Variants in PTPRE observed in about 807,000 individuals in gnomAD.
PTPRE encodes the protein receptor-type tyrosine-protein phosphatase epsilon.
PTPRE carries 51 observed loss-of-function variants against 102.0 expected under a neutral mutation model. The ratio of observed to expected loss-of-function variants is 0.50; its 90% confidence interval spans 0.40 to 0.63. The LOEUF is 0.63. Ranked by LOEUF, PTPRE falls within the 30% of genes least tolerant of loss-of-function variation. PTPRE has a pLI of 0.00. For missense variants in PTPRE, 752 were observed against 915.1 expected (o/e 0.82, Z 2.30); for synonymous variants, 345 against 348.2 (o/e 0.99, Z 0.10).
rs1361851274 is a variant in PTPRE at position 127,995,730 on chromosome 10, C to T, written c.-8+13434C>T. Among the ~76,000 whole-genome samples, 7 of 152,188 alleles carry T rather than the reference C, an allele frequency of 4.6e-5. No homozygotes were observed. The East Asian group carries it at 1.4e-3, about 29-fold the overall frequency. On this transcript the variant is annotated intron_variant, in intron 2 of 20. Transcript: ENST00000254667. Reference sequence around the variant, plus strand: ...ATTGCTTGCAGTTATGATGAATTTGCTGAGTGTCAGAGGAAAATTGTCAGG... The same window carrying T: ...ATTGCTTGCAGTTATGATGAATTTGTTGAGTGTCAGAGGAAAATTGTCAGG...
chr10:128,082,536 T>A (rs887769626), intron 20 of PTPRE, among the ~76,000 whole-genome samples: 2 of 151,780 alleles, frequency 1.3e-5, no homozygotes, highest in Admixed American at 6.6e-5. Flanking sequence ...TTTTTTTTTT[T>A]AAATTCAAAA....
intron 3 of PTPRE, among the ~76,000 whole-genome samples, chr10:128,043,685 G>A (rs7894124): frequency 0.77 from 117,331 of 151,540 alleles, 45,608 homozygotes; most frequent in East Asian, 0.98. Flanking sequence ...AGATATATAT[G>A]TGTGTGTGTG....
chr10:127,907,930 G>T lies in PTPRE; in HGVS notation c.-31+621G>T, dbSNP rs1360269176. 6.6e-6 allele frequency among the ~76,000 whole-genome samples: 1 copy of T among 152,168 alleles called. No homozygotes were observed. The highest frequency in any genetic ancestry group is 1.5e-5 in the Non-Finnish European group (1 of 68,022). ...CCAGGCTGGACTGCCGCGATTTGCA[G>T]GGTCGACGACCTCACAGGGCTCCTG... is the stretch of plus-strand genomic sequence containing the variant. On this transcript the variant is annotated intron_variant, in intron 1 of 20. Coordinates refer to ENST00000254667, the MANE Select transcript of PTPRE (RefSeq NM_006504.6). This position sits in a 1 kb window ranked among gnomAD's most constrained non-coding sequence, Gnocchi z 4.8.
intron 1 of PTPRE, among the ~76,000 whole-genome samples, chr10:127,980,780 AC>A (rs1851548486): frequency 6.6e-6 from 1 of 152,196 alleles, no homozygotes; most frequent in Admixed American, 6.5e-5. Context: ...ATTTATAACA[AC>A]TTTTAATTGT....
intron 2 of PTPRE, among the ~76,000 whole-genome samples, chr10:127,985,642 A>C (rs1356133482): frequency 3.9e-5 from 6 of 152,218 alleles, no homozygotes. Context: ...TACTCTTATT[A>C]TGATCATCAT....
intron 2 of PTPRE, among the ~76,000 whole-genome samples, chr10:128,027,982 G>A (rs929590060): frequency 2.0e-5 from 3 of 152,168 alleles, no homozygotes; most frequent in African/African-American, 4.8e-5. Context: ...ACACCAGCAC[G>A]CCGAGGGTCT....
At chr10:128,020,031 TGTGTGTGTGTGTGTGCACGCGCGCAC>T (rs1170989035) in intron 2 of PTPRE, among the ~76,000 whole-genome samples, 17 of 124,092 alleles carry the variant, frequency 1.4e-4, no homozygotes, top group Non-Finnish European at 1.8e-4. Flanking sequence ...GCTGTGTGTG[TGTGTGTGTGTGTGTGCACGCGCGCAC>T]GTGTGTGTGT....
intron 20 of PTPRE, among the ~76,000 whole-genome samples, chr10:128,079,923 C>T (rs967532759): frequency 1.3e-5 from 2 of 152,126 alleles, no homozygotes; most frequent in Admixed American, 6.5e-5. Flanking sequence ...GGGGCCTGTC[C>T]GCCAGTTTCA....
chr10:127,957,498 G>C (rs1271187514), intron 1 of PTPRE, among the ~76,000 whole-genome samples: 1 of 152,070 alleles, frequency 6.6e-6, no homozygotes, highest in African/African-American at 2.4e-5. Context: ...TTCTTAATCT[G>C]TATACCTTTT....
At chr10:127,915,536 C>T (rs187125678) in intron 1 of PTPRE, among the ~76,000 whole-genome samples, 5 of 152,326 alleles carry the variant, frequency 3.3e-5, no homozygotes, top group African/African-American at 9.6e-5. Context: ...AAAGTTCAGT[C>T]ATCTACTGGA....
intron 1 of PTPRE, among the ~76,000 whole-genome samples, chr10:127,926,135 AG>A (rs1182373540): frequency 6.6e-6 from 1 of 152,212 alleles, no homozygotes; most frequent in Non-Finnish European, 1.5e-5. Flanking sequence ...TTCTCAAGGC[AG>A]AGTAGCCAGT....
Position 128,076,693 on chromosome 10 carries a change from A to G in PTPRE, c.1690A>G (p.Ile564Val). 2.5e-6 allele frequency: 4 copies of G among 1,611,454 alleles called. No homozygotes were observed. Among genetic ancestry groups the G allele is most frequent in the Non-Finnish European group, 3.4e-6 (4 of 1,179,420 alleles). Residue 564 changes from isoleucine to valine, a missense_variant, in exon 18 of 21, where the codon ATC becomes GTC. Physicochemically the swap from Ile to Val is conservative, Grantham distance 29 (BLOSUM62 3). Coordinates refer to ENST00000254667, the MANE Select transcript of PTPRE (RefSeq NM_006504.6). Reference sequence around the variant, plus strand: ...AAAGAATGATACCCTTTCAGAAGCCATCAGTATACGAGACTTTCTGGTCAC... The same window carrying G: ...AAAGAATGATACCCTTTCAGAAGCCGTCAGTATACGAGACTTTCTGGTCAC... The part of the protein sequence containing the change: ...EIKNDTLSEA[I>V]SIRDFLVTLN...
At chr10:127,930,999 G>A (rs933806438) in intron 1 of PTPRE, among the ~76,000 whole-genome samples, 11 of 151,996 alleles carry the variant, frequency 7.2e-5, no homozygotes, top group Admixed American at 3.3e-4. Context: ...CGCCATGTTG[G>A]TCAGGATGGT....
At chr10:128,029,058 G>A (rs769125101) in intron 2 of PTPRE, among the ~76,000 whole-genome samples, 9 of 152,166 alleles carry the variant, frequency 5.9e-5, no homozygotes, top group Non-Finnish European at 8.8e-5. Flanking sequence ...TCTTGATTGC[G>A]ACTCCTCGGA....
chr10:128,061,826 T>A, intron 9 of PTPRE, 111 bp downstream of exon 9: 1 of 1,322,212 alleles, frequency 7.6e-7, no homozygotes, highest in Non-Finnish European at 1.0e-6. Flanking sequence ...TGTGTGTGTG[T>A]TTACACCTAA....
At chr10:127,970,530 C>G (rs540338930) in intron 1 of PTPRE, among the ~76,000 whole-genome samples, 1 of 151,794 alleles carries the variant, frequency 6.6e-6, no homozygotes, top group African/African-American at 2.4e-5. Flanking sequence ...TCATCTGTTG[C>G]GTTTTTTCAT....
At chr10:127,984,997 A>G (rs527622803) in intron 2 of PTPRE, among the ~76,000 whole-genome samples, 15 of 152,212 alleles carry the variant, frequency 9.9e-5, no homozygotes, top group Non-Finnish European at 2.1e-4. Flanking sequence ...GCTTCAGGAT[A>G]TCTATTAATG....
chr10:127,972,021 G>GT (rs1266747811), intron 1 of PTPRE, among the ~76,000 whole-genome samples: 9 of 152,232 alleles, frequency 5.9e-5, no homozygotes, highest in Non-Finnish European at 1.3e-4. Context: ...TCTTAGATGA[G>GT]TTTGGAGCCG....
At chr10:128,060,916 C>T (rs1177422188) in intron 7 of PTPRE, 23 bp from the exon 8 acceptor site, 2 of 1,610,732 alleles carry the variant, frequency 1.2e-6, no homozygotes, top group Non-Finnish European at 1.7e-6. Flanking sequence ...AATATCTTGG[C>T]TTTGTTTGGG....
Sources: gnomAD v4.1 joint callset for allele counts (sites outside exome capture counted in the v4.1 genomes callset) on GRCh38, gnomAD v4.1.1 for gene constraint, Gnocchi (gnomAD v3.1) non-coding constraint, MANE v1.5 for transcripts, NCBI Gene and HGNC (gene_info 2026-07-23, HGNC 2026-07-21) for gene names.